TMEM117: variants seen among roughly 807,000 people sequenced by gnomAD.
The protein encoded by TMEM117 is transmembrane protein 117.
In TMEM117, 27 loss-of-function variants were observed where a neutral mutation model predicts 52.4. The ratio of observed to expected loss-of-function variants is 0.51; its 90% CI spans 0.38 to 0.71. The LOEUF is 0.71. Among genes scored for constraint, TMEM117 ranks in the 30% least tolerant of loss-of-function variants. TMEM117 has a pLI of 0.00. For synonymous variants in TMEM117, 215 were observed against 206.3 expected (o/e 1.04, Z -0.36); for missense variants, 556 against 630.5 (o/e 0.88, Z 1.26).
At chr12:44,326,950 C>G (rs1358555239) in intron 6 of TMEM117, among the ~76,000 whole-genome samples, 1 of 152,156 alleles carries the variant, frequency 6.6e-6, no homozygotes, top group Admixed American at 6.5e-5. Context: ...AAGGCGGAGG[C>G]CTTGGAAGTC....
chr12:43,836,449 A>G (rs1592294210), intron 1 of TMEM117, among the ~76,000 whole-genome samples: 1 of 152,042 alleles, frequency 6.6e-6, no homozygotes, highest in African/African-American at 2.4e-5. Flanking sequence ...CCCTCTGGCT[A>G]AGGGCAGAGG....
chr12:43,819,501 G>A, the TMEM117 span, among the ~76,000 whole-genome samples: 1 of 152,138 alleles, frequency 6.6e-6, no homozygotes, highest in African/African-American at 2.4e-5. Flanking sequence ...GCGGCTGGGC[G>A]GGATGGCTCA....
At chr12:43,995,438 C>T (rs1174055221) in intron 3 of TMEM117, among the ~76,000 whole-genome samples, 3 of 152,110 alleles carry the variant, frequency 2.0e-5, no homozygotes, top group African/African-American at 7.2e-5. Flanking sequence ...CAGGGATTGA[C>T]ATTGTTGTTA....
rs545021643 is a variant in TMEM117 at position 43,901,850 on chromosome 12, C to G, written c.278-42360C>G. Among the ~76,000 whole-genome samples the G allele has an allele frequency of 1.8e-4, 27 of 151,548 alleles. No homozygotes were observed. In the East Asian group the frequency reaches 2.9e-3, roughly 16 times the overall value. On this transcript the variant is annotated intron_variant, in intron 2 of 7. Transcript: ENST00000266534. ...GTTTGCCTAATGTTTTTTTCAAGAG[C>G]CTGGGAGAGAATGGGATTTAGTATT...
intron 3 of TMEM117, among the ~76,000 whole-genome samples, chr12:44,108,058 G>A (rs1947991942): frequency 6.6e-6 from 1 of 152,086 alleles, no homozygotes; most frequent in Admixed American, 6.6e-5. Context: ...AAATGAGTAA[G>A]ATCTTCTCAA....
chr12:44,289,225 TTGTGTGTGTGTGTGTGTGTGTGTG>T (rs59507806), intron 5 of TMEM117, among the ~76,000 whole-genome samples: 2 of 145,978 alleles, frequency 1.4e-5, no homozygotes, highest in African/African-American at 5.0e-5. Flanking sequence ...CTATCCCATT[TTGTGTGTGTGTGTGTGTGTGTGTG>T]TGTGTGTGTG....
intron 4 of TMEM117, among the ~76,000 whole-genome samples, chr12:44,185,368 A>G (rs1949263012): frequency 6.6e-6 from 1 of 152,198 alleles, no homozygotes; most frequent in African/African-American, 2.4e-5. Context: ...TATAGAAAAA[A>G]TACAGTGATA....
At chr12:44,187,356 T>C (rs1949292479) in intron 4 of TMEM117, among the ~76,000 whole-genome samples, 1 of 152,140 alleles carries the variant, frequency 6.6e-6, no homozygotes, top group Non-Finnish European at 1.5e-5. Context: ...TATTTTATAT[T>C]ATTCCCTGTA....
intron 6 of TMEM117, among the ~76,000 whole-genome samples, chr12:44,327,026 A>C (rs1273937589): frequency 1.3e-5 from 2 of 152,198 alleles, no homozygotes; most frequent in African/African-American, 4.8e-5. Context: ...AAGTCATTAA[A>C]AAACTTGATA....
chr12:44,080,388 A>T (rs917601065), intron 3 of TMEM117, among the ~76,000 whole-genome samples: 1 of 152,158 alleles, frequency 6.6e-6, no homozygotes, highest in South Asian at 2.1e-4. Flanking sequence ...ACTCACTATC[A>T]TGAGAACAGC....
chr12:44,174,960 AAG>A (rs1949098799), intron 4 of TMEM117, among the ~76,000 whole-genome samples: 1 of 152,236 alleles, frequency 6.6e-6, no homozygotes, highest in Admixed American at 6.5e-5. Flanking sequence ...TGAAGATCCA[AAG>A]AGAAAGAGAT....
At chr12:43,890,114 C>T (rs1056385200) in intron 2 of TMEM117, among the ~76,000 whole-genome samples, 2 of 151,986 alleles carry the variant, frequency 1.3e-5, no homozygotes, top group Non-Finnish European at 2.9e-5. Flanking sequence ...TTGGGAAGTG[C>T]CACCCAGTAT....
intron 3 of TMEM117, among the ~76,000 whole-genome samples, chr12:43,971,290 ATT>A (rs1247214822): frequency 1.3e-5 from 2 of 152,096 alleles, no homozygotes; most frequent in Non-Finnish European, 1.5e-5. Flanking sequence ...CCTCTAAAAC[ATT>A]TATGTCCTGG....
At chr12:44,294,379 G>A (rs1037987985) in intron 5 of TMEM117, among the ~76,000 whole-genome samples, 5 of 152,160 alleles carry the variant, frequency 3.3e-5, no homozygotes, top group African/African-American at 7.2e-5. Context: ...TTCTGTTCAT[G>A]TCTTCTACAA....
rs910152958 is a variant in TMEM117, at chr12:44,299,635, A to G, written c.664A>G (p.Ile222Val). 1 of 1,614,038 alleles carries G rather than the reference A, an allele frequency of 6.2e-7. No individual in the cohort carries two copies. Among genetic ancestry groups the G allele is most frequent in the Non-Finnish European group, 8.5e-7 (1 of 1,180,028 alleles). ...VVVLVITTDWISWDKLNRGFL... is the reference protein window; with the variant it reads ...VVVLVITTDWVSWDKLNRGFL... ...TGTACTTGTGATTACAACGGACTGG[A>G]TCAGCTGGGACAAGCTGAATCGGGG... The change falls in exon 6 of 8, where the codon ATC (isoleucine) becomes GTC (valine). Residue 222 changes from isoleucine (I) to valine (V), a missense_variant. Physicochemically the swap from Ile to Val is conservative, Grantham distance 29. This residue lies in a region of TMEM117 where 328 missense variants were observed against 371.4 expected (regional missense o/e 0.88). Transcript: ENST00000266534.
chr12:44,292,713 A>T (rs1950719893), intron 5 of TMEM117, among the ~76,000 whole-genome samples: 1 of 151,760 alleles, frequency 6.6e-6, no homozygotes, highest in Non-Finnish European at 1.5e-5. Flanking sequence ...TTCTTCTTTG[A>T]CCCATTGGTT....
At chr12:44,307,260 G>T (rs921057244) in intron 6 of TMEM117, among the ~76,000 whole-genome samples, 19 of 152,134 alleles carry the variant, frequency 1.2e-4, no homozygotes, top group African/African-American at 4.6e-4. Context: ...TAACAAGTTG[G>T]AATATATTTT....
At chr12:43,890,684 A>C (rs1944087221) in intron 2 of TMEM117, among the ~76,000 whole-genome samples, 1 of 152,072 alleles carries the variant, frequency 6.6e-6, no homozygotes, top group Admixed American at 6.6e-5. Flanking sequence ...GGCATCCGCC[A>C]CCACACCCGG....
intron 5 of TMEM117, among the ~76,000 whole-genome samples, chr12:44,296,504 G>T (rs944866278): frequency 6.6e-6 from 1 of 152,182 alleles, no homozygotes; most frequent in Non-Finnish European, 1.5e-5. Context: ...TCTACATTCA[G>T]CCTGAGGCCT....
Sources: gnomAD v4.1 joint callset for allele counts (sites outside exome capture counted in the v4.1 genomes callset) on GRCh38, gnomAD v4.1.1 for gene constraint, gnomAD v4.1.1 regional missense constraint, MANE v1.5 for transcripts, NCBI Gene and HGNC (gene_info 2026-07-23, HGNC 2026-07-21) for gene names.